Variants in TTLL12 observed in about 807,000 individuals in gnomAD.
TTLL12 encodes tubulin--tyrosine ligase-like protein 12.
TTLL12 carries 77 observed loss-of-function variants against 79.6 expected under a neutral mutation model. The observed-to-expected ratio is 0.97, with a 90% CI of 0.81 to 1.17. The LOEUF is 1.17. Among genes scored for constraint, TTLL12 ranks in the 50% most tolerant of loss-of-function variants. The probability of loss-of-function intolerance (pLI) is 0.00; values close to 1 mark genes in which losing one functional copy is unlikely to be tolerated. For missense variants in TTLL12, 969 were observed against 895.9 expected (o/e 1.08, Z -1.04); for synonymous variants, 437 against 376.1 (o/e 1.16, Z -1.87).
Position 43,187,019 on chromosome 22 carries a change from C to G in TTLL12, c.51G>C (p.Pro17=), listed in dbSNP as rs919440366. Residue 17 remains proline (P), a synonymous_variant, in exon 1 of 14, where the codon CCG becomes CCC. Coordinates refer to ENST00000216129, the MANE Select transcript of TTLL12 (RefSeq NM_015140.4). The part of the protein sequence containing the change: ...PERRPAERSS[P]GQTPEEGAQA... Reference sequence around the variant, plus strand: ...GCGCGCCCTCCTCCGGCGTCTGGCCCGGGCTGCTACGCTCCGCAGGCCGGC... The same window carrying G: ...GCGCGCCCTCCTCCGGCGTCTGGCCGGGGCTGCTACGCTCCGCAGGCCGGC... 39 of 1,234,104 alleles carry G rather than the reference C, an allele frequency of 3.2e-5. No homozygotes were observed. Among genetic ancestry groups the G allele is most frequent in the Non-Finnish European group, 3.8e-5 (37 of 985,690 alleles). 76.4% of individuals were successfully genotyped at this position (1,234,104 alleles called of 1,614,324 possible).
In TTLL12 at chr22:43,183,057, C is replaced by A. The variant is rs746080730; in HGVS notation, c.270G>T (p.Gln90His). 6.2e-7 allele frequency: 1 copy of A among 1,614,046 alleles called. No homozygotes were observed. The highest frequency in any genetic ancestry group is 1.7e-5 in the Admixed American group (1 of 60,016). Residue 90 changes from glutamine (Q) to histidine (H), a missense_variant, in exon 2 of 14, where the codon CAG (glutamine) becomes CAT (histidine). Gln to His is a conservative substitution (Grantham distance 24). Transcript: ENST00000216129. Reference protein sequence around the residue: ...DEAAREVRKQQPNPGNELCYK... With the variant: ...DEAAREVRKQHPNPGNELCYK... ...AGCACAGCTCGTTCCCCGGGTTGGG[C>A]TGCTGCTTCCGCACCTCCCGGGCTG...
Position 43,186,875 on chromosome 22 carries a change from C to T in TTLL12, c.177+18G>A. Reference sequence around the variant, plus strand: ...TCCCACCCCGGCCGCCGCACGTGCCCGCCGCCCTTCCCCGCACCTCGTGCT... The same window carrying T: ...TCCCACCCCGGCCGCCGCACGTGCCTGCCGCCCTTCCCCGCACCTCGTGCT... On this transcript the variant is annotated intron_variant, in intron 1 of 13. Coordinates refer to ENST00000216129, the MANE Select transcript of TTLL12 (RefSeq NM_015140.4). 1.6e-6 allele frequency: 2 copies of T among 1,266,220 alleles called. No homozygotes were observed. Among genetic ancestry groups the T allele is most frequent in the Non-Finnish European group, 2.0e-6 (2 of 1,006,788 alleles). The allele number at this position is 1,266,220 out of a possible 1,614,324, so 78.4% of individuals were successfully genotyped here.
At chr22:43,185,972 C>A in intron 1 of TTLL12, 1 of 985,470 alleles carries the variant, frequency 1.0e-6, no homozygotes, top group Non-Finnish European at 1.2e-6. Flanking sequence ...TGCACGTTTC[C>A]AGCAGGAAGG....
In TTLL12 at chr22:43,168,002, G is replaced by C. The variant is rs369867056; in HGVS notation, c.*6C>G. Reference sequence around the variant, plus strand: ...CCCAAGCACAGGTTTTGGGGACAGCGAGTGCCTAGACAAGGCAGGTAACGT... The same window carrying C: ...CCCAAGCACAGGTTTTGGGGACAGCCAGTGCCTAGACAAGGCAGGTAACGT... On this transcript the variant is annotated 3_prime_UTR_variant, in exon 14 of 14. Transcript: ENST00000216129. The C allele has an allele frequency of 6.2e-7, 1 of 1,612,934 alleles. No individual in the cohort carries two copies. Among genetic ancestry groups the C allele is most frequent in the African/African-American group, 1.3e-5 (1 of 74,912 alleles).
Position 43,179,651 on chromosome 22 carries a change from A to G in TTLL12, c.808T>C (p.Cys270Arg), listed in dbSNP as rs763241482. 6.3e-7 allele frequency: 1 copy of G among 1,586,628 alleles called. No homozygotes were observed. The highest frequency in any genetic ancestry group is 2.3e-5 in the East Asian group (1 of 44,416). The stretch of plus-strand genomic sequence containing the variant: ...TGCTCGGCGGGCGGCTCGGGTGTGC[A>G]AGAGCTGAGGTCCAGCATGTCGGTG... ...APTDMLDLSS[C>R]TPEPPAEHYQ... Residue 270 changes from cysteine (C) to arginine (R), a missense_variant, in exon 5 of 14, where the codon TGC (cysteine) becomes CGC (arginine). Transcript: ENST00000216129.
rs370790103 is a variant in TTLL12 at position 43,176,356 on chromosome 22, A to G, written c.881T>C (p.Ile294Thr). 6.9e-6 allele frequency: 11 copies of G among 1,605,256 alleles called. No homozygotes were observed. The East Asian group carries it at 1.1e-4, about 16-fold the overall frequency. ...GCCGTGGGGGTGCACCACGGGGTTG[A>G]TGTCAAGTGGCAGCTTCTCCTTGTT... Reference protein sequence around the residue: ...EENKEKLPLDINPVVHPHGHI... With the variant: ...EENKEKLPLDTNPVVHPHGHI... The change falls in exon 6 of 14, where the codon ATC becomes ACC. Residue 294 changes from isoleucine to threonine, a missense_variant. Ile to Thr is a moderately conservative substitution (Grantham distance 89, BLOSUM62 -1). Coordinates refer to ENST00000216129, the MANE Select transcript of TTLL12 (RefSeq NM_015140.4).
intron 9 of TTLL12, 141 bp from the exon 10 acceptor site, chr22:43,172,695 C>A: frequency 3.6e-6 from 3 of 840,862 alleles, no homozygotes; most frequent in Non-Finnish European, 5.4e-6. Context: ...TAAGTTGCTG[C>A]AAAGTCTTTT....
At chr22:43,169,722 G>A (rs948500450) in intron 11 of TTLL12, 154 bp from the exon 12 acceptor site, 2 of 725,868 alleles carry the variant, frequency 2.8e-6, no homozygotes, top group Admixed American at 4.0e-5. Context: ...CAAACAGGAG[G>A]CAGGAGATGG....
Position 43,180,012 on chromosome 22 carries a change from G to A in TTLL12, c.547-12C>T. The A allele has an allele frequency of 6.4e-7, 1 of 1,566,938 alleles. No individual in the cohort carries two copies. Among genetic ancestry groups the A allele is most frequent in the Non-Finnish European group, 8.6e-7 (1 of 1,156,718 alleles). On this transcript the variant is annotated splice_polypyrimidine_tract_variant and intron_variant, in intron 3 of 13. Coordinates refer to ENST00000216129, the MANE Select transcript of TTLL12 (RefSeq NM_015140.4). ...TTCTCCTCAGCTGTCTGCAGACAGA[G>A]CACATATGGCACCTCTCGCTCACCC...
chr22:43,186,760 G>T, intron 1 of TTLL12, 133 bp downstream of exon 1: 1 of 918,974 alleles, frequency 1.1e-6, no homozygotes, highest in Non-Finnish European at 1.4e-6. Context: ...CCGCTCCAGA[G>T]CTGCCCAGGA....
At chr22:43,181,692 A>C (rs1932060431) in intron 2 of TTLL12, among the ~76,000 whole-genome samples, 1 of 152,182 alleles carries the variant, frequency 6.6e-6, no homozygotes, top group Admixed American at 6.5e-5. Context: ...AGCCGCCCCC[A>C]GCTTGCCCCC....
chr22:43,183,075 C>T lies in TTLL12; in HGVS notation c.252G>A (p.Arg84=), dbSNP rs59963284. The change falls in exon 2 of 14, where the codon CGG becomes CGA. Residue 84 remains arginine (R), a synonymous_variant. Coordinates refer to ENST00000216129, the MANE Select transcript of TTLL12 (RefSeq NM_015140.4). ...GGTTGGGCTGCTGCTTCCGCACCTCCCGGGCTGCCTCGTCCTCCTCCTCTT... is the reference window on the plus strand; with the variant it reads ...GGTTGGGCTGCTGCTTCCGCACCTCTCGGGCTGCCTCGTCCTCCTCCTCTT... The part of the protein sequence containing the change: ...EVEEEEDEAA[R]EVRKQQPNPG... 5.7e-3 allele frequency: 9,159 copies of T among 1,613,990 alleles called. 294 individuals carry two copies. The African/African-American group carries it at 0.078, about 14-fold the overall frequency.
intron 6 of TTLL12, among the ~76,000 whole-genome samples, chr22:43,174,993 C>T (rs1931867167): frequency 1.3e-5 from 2 of 152,380 alleles, no homozygotes; most frequent in East Asian, 1.9e-4. Context: ...CACCAAGGGC[C>T]TCCGTGAGGC....
intron 12 of TTLL12, among the ~76,000 whole-genome samples, chr22:43,169,244 C>T (rs368303077): frequency 6.6e-6 from 1 of 152,200 alleles, no homozygotes; most frequent in Admixed American, 6.5e-5. Flanking sequence ...CAGGCAGTGC[C>T]GCCACCCTCT....
rs1397041630 is a variant in TTLL12 at position 43,167,298 on chromosome 22, T to C, written c.*710A>G. 2 of 460,246 alleles carry C rather than the reference T, an allele frequency of 4.3e-6. No individual in the cohort carries two copies. The highest frequency in any genetic ancestry group is 8.9e-6 in the Non-Finnish European group (2 of 225,418). 28.5% of individuals were successfully genotyped at this position (460,246 alleles called of 1,614,324 possible). On this transcript the variant is annotated 3_prime_UTR_variant, in exon 14 of 14. Coordinates refer to ENST00000216129, the MANE Select transcript of TTLL12 (RefSeq NM_015140.4). The stretch of plus-strand genomic sequence containing the variant: ...CAACCACTGGGAAGACAGATACTGA[T>C]TTCCCTGTTGGGGTCTGTGACCCTC...
chr22:43,169,357 A>T, intron 12 of TTLL12, 143 bp downstream of exon 12: 1 of 724,472 alleles, frequency 1.4e-6, no homozygotes, highest in Non-Finnish European at 2.2e-6. Flanking sequence ...CTGTCTTGCC[A>T]GCCTCTGGGG....
rs534569364 is a variant in TTLL12 at position 43,176,484 on chromosome 22, C to T, written c.841-88G>A. On this transcript the variant is annotated intron_variant, in intron 5 of 13. Coordinates refer to ENST00000216129, the MANE Select transcript of TTLL12 (RefSeq NM_015140.4). ...GTGGCTCATGTCCATAATCCCAGCA[C>T]TTTGAGAGGGTGAGGCAGGTGGATC... The T allele has an allele frequency of 4.9e-5, 54 of 1,100,946 alleles. No individual in the cohort carries two copies. The Middle Eastern group carries it at 5.8e-4, about 12-fold the overall frequency. 68.2% of individuals were successfully genotyped at this position (1,100,946 alleles called of 1,614,324 possible). A position where few individuals can be genotyped will look rare whatever the true frequency, so the allele number is the denominator to read the frequency against.
chr22:43,186,579 C>A (rs1290184758), intron 1 of TTLL12, among the ~76,000 whole-genome samples: 1 of 152,232 alleles, frequency 6.6e-6, no homozygotes, highest in African/African-American at 2.4e-5. Context: ...GCAGTGTTCT[C>A]ATCTGTGAAG....
At chr22:43,181,482 T>C (rs1454483655) in intron 2 of TTLL12, among the ~76,000 whole-genome samples, 3 of 152,212 alleles carry the variant, frequency 2.0e-5, no homozygotes, top group Admixed American at 6.5e-5. Flanking sequence ...CCAGGTCTTC[T>C]GGAAGCACCA....
Sources: allele counts gnomAD v4.1 joint callset (sites outside exome capture counted in the v4.1 genomes callset), GRCh38; gene constraint gnomAD v4.1.1; transcripts MANE v1.5; gene names NCBI Gene and HGNC (gene_info 2026-07-23, HGNC 2026-07-21).